AAMDC: variants seen among roughly 807,000 people sequenced by gnomAD.
AAMDC encodes the protein mth938 domain-containing protein.
A neutral mutation model predicts 15.5 loss-of-function variants in AAMDC; 16 were observed. The ratio of observed to expected loss-of-function variants is 1.03; its 90% CI spans 0.70 to 1.57. AAMDC has a LOEUF of 1.57. AAMDC is among the 40% of genes most tolerant of loss of function. AAMDC has a pLI of 0.00. For missense variants in AAMDC, 141 were observed against 144.9 expected (o/e 0.97, Z 0.14); for synonymous variants, 51 against 51.6 (o/e 0.99, Z 0.05).
intron 5 of AAMDC, among the ~76,000 whole-genome samples, chr11:77,892,835 A>G (rs1793334): frequency 0.75 from 113,571 of 152,082 alleles, 43,108 homozygotes; most frequent in African/African-American, 0.89. Context: ...CACCCGCCTC[A>G]GCCTCCCAAA....
intron 2 of AAMDC, among the ~76,000 whole-genome samples, chr11:77,848,089 G>A (rs1950218946): frequency 6.6e-6 from 1 of 152,206 alleles, no homozygotes; most frequent in Non-Finnish European, 1.5e-5. Flanking sequence ...CTCATCCATA[G>A]ACATTCTCAC....
chr11:77,829,171 A>G (rs1949308819), intron 1 of AAMDC, among the ~76,000 whole-genome samples: 1 of 149,738 alleles, frequency 6.7e-6, no homozygotes, highest in Non-Finnish European at 1.5e-5. Context: ...TAATTTTATA[A>G]GAACAGAAAT....
chr11:77,836,460 GC>G (rs1262522988), intron 1 of AAMDC, among the ~76,000 whole-genome samples: 1 of 152,034 alleles, frequency 6.6e-6, no homozygotes, highest in African/African-American at 2.4e-5. Flanking sequence ...AGCCAAAAAG[GC>G]CTCGCCATAA....
intron 2 of AAMDC, among the ~76,000 whole-genome samples, chr11:77,845,921 A>G (rs929416419): frequency 6.6e-6 from 1 of 151,838 alleles, no homozygotes. Context: ...GATAGTTTCT[A>G]CTGTCTGTTT....
intron 2 of AAMDC, among the ~76,000 whole-genome samples, chr11:77,865,960 C>G (rs1331437213): frequency 6.6e-6 from 1 of 152,178 alleles, no homozygotes; most frequent in Non-Finnish European, 1.5e-5. Flanking sequence ...CCTGTTAATT[C>G]AGACAAGCAA....
intron 3 of AAMDC, 186 bp downstream of exon 3, chr11:77,870,003 C>T (rs1951338204): frequency 2.2e-6 from 1 of 458,302 alleles, no homozygotes; most frequent in Non-Finnish European, 3.9e-6. Flanking sequence ...GTCTACCTAA[C>T]CCTGAGACAG....
At position 77,869,770 on chromosome 11, in the gene AAMDC, G is replaced by A; in HGVS notation, c.181G>A (p.Gly61Ser). The change falls in exon 3 of 4, where the codon GGT (glycine) becomes AGT (serine). Residue 61 changes from glycine (G) to serine (S), a missense_variant. Coordinates refer to ENST00000393427, the MANE Select transcript of AAMDC (RefSeq NM_024684.4). ...PADVKEVVEK[G>S]VQTLVIGRGM... The stretch of plus-strand genomic sequence containing the variant: ...AGATGTGAAGGAAGTTGTTGAGAAG[G>A]GTGTACAGACTCTTGTGATTGGCCG... 6.2e-7 allele frequency: 1 copy of A among 1,614,008 alleles called. No individual in the cohort carries two copies. The highest frequency in any genetic ancestry group is 8.5e-7 in the Non-Finnish European group (1 of 1,179,924).
At chr11:77,884,638 CCAATGTTGAAACTGTGGT>C (rs1359634739) in intron 5 of AAMDC, 11 of 219,036 alleles carry the variant, frequency 5.0e-5, no homozygotes, top group Middle Eastern at 4.7e-4. Flanking sequence ...CACAGGTCTT[CCAATGTTGAAACTGTGGT>C]CAATGTTGAA....
At chr11:77,878,425 G>A (rs1287036706) in intron 5 of AAMDC, among the ~76,000 whole-genome samples, 1 of 151,984 alleles carries the variant, frequency 6.6e-6, no homozygotes, top group African/African-American at 2.4e-5. Context: ...TCAGTCCTTG[G>A]CCCAGCTACT....
chr11:77,878,534 G>A (rs184633717), intron 5 of AAMDC, among the ~76,000 whole-genome samples: 11 of 152,108 alleles, frequency 7.2e-5, no homozygotes, highest in East Asian at 1.9e-4. Context: ...CTGTTAAAGC[G>A]GCCTTGGAGT....
downstream of AAMDC, among the ~76,000 whole-genome samples, chr11:77,873,223 T>A (rs981482772): frequency 1.3e-5 from 2 of 152,240 alleles, no homozygotes; most frequent in Non-Finnish European, 1.5e-5. Context: ...TTTCTTAGTT[T>A]CACTGTTCTC....
At chr11:77,857,196 T>G (rs908697954) in intron 2 of AAMDC, among the ~76,000 whole-genome samples, 1 of 152,174 alleles carries the variant, frequency 6.6e-6, no homozygotes, top group African/African-American at 2.4e-5. Context: ...AGTGCCACGG[T>G]AGATGAACCA....
intron 2 of AAMDC, chr11:77,851,578 TTGGGTCATG>T (rs1178007828): frequency 7.9e-5 from 12 of 152,210 alleles, no homozygotes; most frequent in African/African-American, 2.6e-4. Flanking sequence ...TGGGAGGTAA[TTGGGTCATG>T]TGGGCAGTTC....
chr11:77,864,030 G>A (rs1270632205), intron 2 of AAMDC, among the ~76,000 whole-genome samples: 1 of 150,616 alleles, frequency 6.6e-6, no homozygotes, highest in East Asian at 2.0e-4. Context: ...ATGTTTAAGC[G>A]ATTCTCCTGC....
intron 5 of AAMDC, among the ~76,000 whole-genome samples, chr11:77,884,614 AG>A (rs1372652650): frequency 1.3e-5 from 2 of 152,254 alleles, no homozygotes; most frequent in African/African-American, 4.8e-5. Flanking sequence ...TTATGAAGGC[AG>A]AGTAGGGAAC....
At chr11:77,903,675 T>G (rs575751778), downstream of AAMDC, 6 of 1,360,008 alleles carry the variant, frequency 4.4e-6, no homozygotes, top group African/African-American at 8.6e-5. Context: ...GACTGGCCTA[T>G]CATTTGGGAT....
rs377289349 is a variant in AAMDC at position 77,845,710 on chromosome 11, G to A, written c.132+3082G>A. Among the ~76,000 whole-genome samples, 7 of 152,116 alleles carry A rather than the reference G, an allele frequency of 4.6e-5. No individual in the cohort carries two copies. In the East Asian group the frequency reaches 1.2e-3, roughly 25 times the overall value. On this transcript the variant is annotated intron_variant, in intron 2 of 3. Coordinates refer to ENST00000393427, the MANE Select transcript of AAMDC (RefSeq NM_024684.4). ...CTCCCAAAGTGCTGGGTTTATAGGT[G>A]AGCCACCACACCTAGCCCAGAATTT...
At chr11:77,883,967 A>C (rs775315472) in intron 5 of AAMDC, 1 of 1,611,014 alleles carries the variant, frequency 6.2e-7, no homozygotes, top group Non-Finnish European at 8.5e-7. Flanking sequence ...AGGGTGACAG[A>C]AATGAGAAAA....
intron 5 of AAMDC, chr11:77,891,714 C>G (rs1156290663): frequency 1.2e-6 from 2 of 1,612,036 alleles, no homozygotes; most frequent in Admixed American, 3.3e-5. Context: ...GAAAGGCACT[C>G]TGTCGCAGCA....
Sources: gnomAD v4.1 joint callset for allele counts (sites outside exome capture counted in the v4.1 genomes callset) on GRCh38, gnomAD v4.1.1 for gene constraint, MANE v1.5 for transcripts, NCBI Gene and HGNC (gene_info 2026-07-23, HGNC 2026-07-21) for gene names.